Variants in STAG1 observed in about 807,000 individuals in gnomAD.
The protein encoded by STAG1 is STAG1 cohesin complex component.
A neutral mutation model predicts 170.9 loss-of-function variants in STAG1; 26 were observed. That is an observed-to-expected ratio of 0.15 (90% confidence interval 0.11 to 0.21). The LOEUF is 0.21. STAG1 is among the 10% of genes least tolerant of loss of function. The probability of loss-of-function intolerance (pLI) is 1.00; values close to 1 mark genes in which losing one functional copy is unlikely to be tolerated. For missense variants in STAG1, 964 were observed against 1,509.5 expected (o/e 0.64, Z 5.99); for synonymous variants, 514 against 497.7 (o/e 1.03, Z -0.44).
intron 21 of STAG1, among the ~76,000 whole-genome samples, chr3:136,415,381 C>T (rs1360794823): frequency 6.6e-6 from 1 of 152,010 alleles, no homozygotes; most frequent in Admixed American, 6.6e-5. Flanking sequence ...AACAGCTAGA[C>T]AGTTTTAAGG....
intron 21 of STAG1, among the ~76,000 whole-genome samples, chr3:136,414,344 T>C (rs1383649177): frequency 6.6e-6 from 1 of 152,222 alleles, no homozygotes; most frequent in East Asian, 1.9e-4. Context: ...AATCCTTCGT[T>C]GTCATTTTAA....
intron 10 of STAG1, among the ~76,000 whole-genome samples, chr3:136,474,577 TGATGA>T (rs1156695384): frequency 2.0e-5 from 3 of 152,238 alleles, no homozygotes; most frequent in East Asian, 1.9e-4. Flanking sequence ...ATTAAGTTAT[TGATGA>T]GATGTCAATG....
chr3:136,443,469 A>G, intron 14 of STAG1, 65 bp from the exon 15 acceptor site: 1 of 1,125,738 alleles, frequency 8.9e-7, no homozygotes, highest in Non-Finnish European at 1.3e-6. Flanking sequence ...TACTAATTTG[A>G]GTTAAGAAAT....
intron 6 of STAG1, among the ~76,000 whole-genome samples, chr3:136,536,360 A>C (rs1935624091): frequency 6.6e-6 from 1 of 152,194 alleles, no homozygotes; most frequent in African/African-American, 2.4e-5. Flanking sequence ...AAACTGAAAA[A>C]GTGTAACTGT....
intron 1 of STAG1, among the ~76,000 whole-genome samples, chr3:136,691,068 C>A (rs928922122): frequency 6.6e-6 from 1 of 151,662 alleles, no homozygotes; most frequent in Admixed American, 6.6e-5. Flanking sequence ...AAAGCCAAGG[C>A]GGGTGGAACA....
At chr3:136,399,844 A>G (rs1280916118) in intron 21 of STAG1, among the ~76,000 whole-genome samples, 1 of 152,232 alleles carries the variant, frequency 6.6e-6, no homozygotes, top group Non-Finnish European at 1.5e-5. Flanking sequence ...AACTAAAACT[A>G]AGAAATGTTT....
chr3:136,552,559 A>G (rs1462936069), intron 5 of STAG1, among the ~76,000 whole-genome samples: 1 of 152,188 alleles, frequency 6.6e-6, no homozygotes, highest in Non-Finnish European at 1.5e-5. Flanking sequence ...CACTTTTTCT[A>G]TGATGACCCT....
chr3:136,487,852 TTCTC>T (rs2107839895), intron 9 of STAG1, among the ~76,000 whole-genome samples: 1 of 152,370 alleles, frequency 6.6e-6, no homozygotes, highest in East Asian at 1.9e-4. Flanking sequence ...GACTGTTTTG[TTCTC>T]TCTGTGATCA....
chr3:136,515,551 G>A (rs1177445488), intron 7 of STAG1, among the ~76,000 whole-genome samples: 2 of 152,096 alleles, frequency 1.3e-5, no homozygotes, highest in African/African-American at 4.8e-5. Flanking sequence ...AAAGGCACAG[G>A]AGTTACATAA....
intron 1 of STAG1, among the ~76,000 whole-genome samples, chr3:136,728,969 C>A (rs892851326): frequency 6.6e-6 from 1 of 152,066 alleles, no homozygotes; most frequent in Non-Finnish European, 1.5e-5. Context: ...GAGAGACAGT[C>A]TCTTCTGTAA....
chr3:136,589,410 C>T (rs780104497), intron 4 of STAG1, among the ~76,000 whole-genome samples: 2 of 151,996 alleles, frequency 1.3e-5, no homozygotes, highest in Middle Eastern at 3.2e-3. Flanking sequence ...GAGGCTAATG[C>T]AGGAGAATCG....
At chr3:136,359,560 C>T (rs770016378) in intron 26 of STAG1, among the ~76,000 whole-genome samples, 10 of 152,164 alleles carry the variant, frequency 6.6e-5, no homozygotes, top group Admixed American at 6.5e-5. Context: ...TTGAGAGTCT[C>T]GCTCTGTCAC....
intron 4 of STAG1, among the ~76,000 whole-genome samples, chr3:136,570,141 C>A (rs1451235730): frequency 2.0e-5 from 3 of 152,070 alleles, no homozygotes; most frequent in Non-Finnish European, 2.9e-5. Context: ...ACCTGTGTAA[C>A]CACAACCAAG....
At chr3:136,683,962 T>C (rs1942427872) in intron 1 of STAG1, among the ~76,000 whole-genome samples, 1 of 152,190 alleles carries the variant, frequency 6.6e-6, no homozygotes, top group South Asian at 2.1e-4. Flanking sequence ...TGCTAAGGTA[T>C]AAATCTAGCA....
At chr3:136,646,007 A>G (rs1940996930) in intron 1 of STAG1, among the ~76,000 whole-genome samples, 2 of 152,152 alleles carry the variant, frequency 1.3e-5, no homozygotes, top group South Asian at 4.1e-4. Flanking sequence ...GCTACACTCC[A>G]CAGCCCGACA....
At chr3:136,343,652 G>C (rs1182263641) in intron 30 of STAG1, among the ~76,000 whole-genome samples, 180 bp downstream of exon 30, 1 of 152,184 alleles carries the variant, frequency 6.6e-6, no homozygotes, top group Non-Finnish European at 1.5e-5. Flanking sequence ...CCAGGAACTG[G>C]TATCTTCAAC....
chr3:136,545,523 A>G (rs1002114069), intron 5 of STAG1, among the ~76,000 whole-genome samples: 2 of 152,234 alleles, frequency 1.3e-5, no homozygotes, highest in Non-Finnish European at 1.5e-5. Context: ...CACTAAACAA[A>G]TATCAGTATA....
chr3:136,610,572 T>TA (rs1445544449), intron 3 of STAG1, among the ~76,000 whole-genome samples: 3 of 152,168 alleles, frequency 2.0e-5, no homozygotes, highest in Non-Finnish European at 4.4e-5. Flanking sequence ...TGGTACTTGA[T>TA]AGACTCAAGG....
At chr3:136,531,166 T>C (rs1054305556) in intron 6 of STAG1, among the ~76,000 whole-genome samples, 5 of 151,330 alleles carry the variant, frequency 3.3e-5, no homozygotes, top group Non-Finnish European at 5.9e-5. Flanking sequence ...AAAATGCTCA[T>C]CATCACTGGC....
Sources: gnomAD v4.1 joint callset for allele counts (sites outside exome capture counted in the v4.1 genomes callset) on GRCh38, gnomAD v4.1.1 for gene constraint, MANE v1.5 for transcripts, NCBI Gene and HGNC (gene_info 2026-07-23, HGNC 2026-07-21) for gene names.